BRWD1: variants seen among roughly 807,000 people sequenced by gnomAD.
The protein encoded by BRWD1 is bromodomain and WD repeat-containing protein 1.
Under a neutral mutation model 251.2 loss-of-function variants are expected in BRWD1, and 82 were observed. That is an observed-to-expected ratio of 0.33 (90% CI 0.27 to 0.39). The LOEUF (loss-of-function observed/expected upper bound fraction) is 0.39, where lower values mean the gene tolerates loss of function less well. Ranked by LOEUF, BRWD1 falls within the 10% of genes least tolerant of loss-of-function variation. BRWD1 has a pLI of 1.00. For missense variants in BRWD1, 2,233 were observed against 2,711.6 expected (o/e 0.82, Z 3.92); for synonymous variants, 918 against 902.8 (o/e 1.02, Z -0.30).
In BRWD1 at chr21:39,313,563, G is replaced by C. The variant is rs1242780967; in HGVS notation, c.-72C>G. On this transcript the variant is annotated 5_prime_UTR_variant, in exon 1 of 41. Coordinates refer to ENST00000342449, the MANE Select transcript of BRWD1 (RefSeq NM_033656.4). ...TGTAGGCCGCGCCGAGGCCTGACCG[G>C]GCTGGCGTCCCCTCTTCTCAGGCGC... The C allele has an allele frequency of 1.6e-6, 2 of 1,230,100 alleles. No individual in the cohort carries two copies. Among genetic ancestry groups the C allele is most frequent in the Admixed American group, 4.3e-5 (1 of 23,100 alleles). The allele number at this position is 1,230,100 out of a possible 1,614,324, so 76.2% of individuals were successfully genotyped here. A position where few individuals can be genotyped will look rare whatever the true frequency, so the allele number is the denominator to read the frequency against.
chr21:39,286,576 G>T (rs577770314), intron 8 of BRWD1, among the ~76,000 whole-genome samples: 1 of 150,990 alleles, frequency 6.6e-6, no homozygotes, highest in African/African-American at 2.4e-5. Flanking sequence ...GTGCAGTGGC[G>T]CAATCTCTGC....
intron 15 of BRWD1, among the ~76,000 whole-genome samples, chr21:39,265,461 A>C (rs1299035572): frequency 2.7e-5 from 4 of 150,800 alleles, no homozygotes; most frequent in African/African-American, 4.9e-5. Flanking sequence ...ATGTTTCATT[A>C]AGCATATACA....
intron 8 of BRWD1, among the ~76,000 whole-genome samples, chr21:39,285,591 TC>T (rs1300492291): frequency 6.6e-6 from 1 of 152,170 alleles, no homozygotes; most frequent in Non-Finnish European, 1.5e-5. Context: ...TCTTTGTCTT[TC>T]TACAAGTATT....
intron 8 of BRWD1, among the ~76,000 whole-genome samples, chr21:39,282,353 G>C (rs775073417): frequency 6.6e-6 from 1 of 152,034 alleles, no homozygotes; most frequent in African/African-American, 2.4e-5. Context: ...AGAAATTATG[G>C]ATTTTTTTTA....
chr21:39,213,490 A>G lies in BRWD1; in HGVS notation c.3849T>C (p.Ala1283=). 1 of 1,610,738 alleles carries G rather than the reference A, an allele frequency of 6.2e-7. No homozygotes were observed. Among genetic ancestry groups the G allele is most frequent in the Non-Finnish European group, 8.5e-7 (1 of 1,178,698 alleles). ...SNTSENDEQN[A]EDLDDSDLPK... is the part of the protein sequence containing the mutation. Reference sequence around the variant, plus strand: ...TCAACAAACTTCATACCAAATCCTCAGCATTTTGCTCATCATTTTCAGATG... The same window carrying G: ...TCAACAAACTTCATACCAAATCCTCGGCATTTTGCTCATCATTTTCAGATG... The change falls in exon 33 of 41, where the codon GCT becomes GCC. Residue 1283 remains alanine, a synonymous_variant. Transcript: ENST00000342449.
intron 17 of BRWD1, 141 bp from the exon 18 acceptor site, chr21:39,258,813 C>T (rs2034645898): frequency 1.9e-6 from 1 of 527,984 alleles, no homozygotes; most frequent in Non-Finnish European, 3.1e-6. Flanking sequence ...AGATACTCTA[C>T]ATATTCACCA....
chr21:39,248,638 T>C (rs1425746929), intron 20 of BRWD1, among the ~76,000 whole-genome samples: 1 of 23,186 alleles, frequency 4.3e-5, no homozygotes, highest in Non-Finnish European at 6.5e-5. Flanking sequence ...AGACCCTATC[T>C]CCCAAAAAAA....
chr21:39,230,294 T>A (rs1254744651), intron 25 of BRWD1, among the ~76,000 whole-genome samples: 2 of 152,174 alleles, frequency 1.3e-5, no homozygotes, highest in African/African-American at 2.4e-5. Context: ...CCCCCCAGTG[T>A]CTGCTTCTCT....
At position 39,188,037 on chromosome 21, in the gene BRWD1, G is replaced by GCT. The variant is rs906093579; in HGVS notation, c.*8220_*8221dup. ...AGAGGGGGCTTGAAATCACACTGGA[G>GCT]CTCTACACAGCCACATGATGCCAGA... On this transcript the variant is annotated 3_prime_UTR_variant, in exon 41 of 41. Transcript: ENST00000342449. The GCT allele has an allele frequency of 5.1e-6, 5 of 985,244 alleles. No individual in the cohort carries two copies. The African/African-American group carries it at 8.7e-5, about 17-fold the overall frequency. The allele number at this position is 985,244 out of a possible 1,614,324, so 61.0% of individuals were successfully genotyped here. A position where few individuals can be genotyped will look rare whatever the true frequency, so the allele number is the denominator to read the frequency against.
chr21:39,258,764 G>T, intron 17 of BRWD1, 92 bp from the exon 18 acceptor site: 2 of 827,650 alleles, frequency 2.4e-6, no homozygotes, highest in Non-Finnish European at 3.4e-6. Flanking sequence ...ATTAACAATG[G>T]TCAGAATTTC....
At position 39,188,579 on chromosome 21, in the gene BRWD1, AG is replaced by A. The variant is rs754516830; in HGVS notation, c.*7679del. ...GCCCTTCTGTCACAAAGCTGACTGA[AG>A]GGCAGATGAGTACAGGTAAAAACTG... On this transcript the variant is annotated 3_prime_UTR_variant, in exon 41 of 41. Transcript: ENST00000342449. The A allele has an allele frequency of 1.4e-4, 141 of 985,298 alleles. No individual in the cohort carries two copies. The highest frequency in any genetic ancestry group is 1.6e-4 in the Non-Finnish European group (135 of 829,918). The allele number at this position is 985,298 out of a possible 1,614,324, so 61.0% of individuals were successfully genotyped here.
At chr21:39,244,796 G>C (rs1400139125) in intron 21 of BRWD1, among the ~76,000 whole-genome samples, 1 of 151,602 alleles carries the variant, frequency 6.6e-6, no homozygotes, top group Non-Finnish European at 1.5e-5. Context: ...TTCCAGACTA[G>C]GATACTACAC....
intron 27 of BRWD1, among the ~76,000 whole-genome samples, chr21:39,225,504 T>TTA (rs2033346239): frequency 6.6e-6 from 1 of 152,132 alleles, no homozygotes; most frequent in Non-Finnish European, 1.5e-5. Context: ...CTCTTCCTTC[T>TTA]TACCCTTCCC....
chr21:39,196,411 A>G lies in BRWD1; in HGVS notation c.6658T>C (p.Trp2220Arg). ...GATTTTGCATAGTCCAAATCCTCCC[A>G]GTCATTATCATCCACACTTAACCTA... ...RPRLSVDDND[W>R]EDLDYAKSKR... The change falls in exon 41 of 41, where the codon TGG becomes CGG. Residue 2220 changes from tryptophan (W) to arginine (R), a missense_variant. Physicochemically the swap from Trp to Arg is moderately radical, Grantham distance 101. Around this residue, in one of 12 missense-constraint regions of BRWD1, gnomAD observed 928 missense variants for 970.0 expected, o/e 0.96. Coordinates refer to ENST00000342449, the MANE Select transcript of BRWD1 (RefSeq NM_033656.4). 1.9e-6 allele frequency: 3 copies of G among 1,613,836 alleles called. No individual in the cohort carries two copies. Among genetic ancestry groups the G allele is most frequent in the Non-Finnish European group, 2.5e-6 (3 of 1,179,774 alleles).
At chr21:39,244,315 C>T (rs954761098) in intron 21 of BRWD1, among the ~76,000 whole-genome samples, 8 of 152,186 alleles carry the variant, frequency 5.3e-5, no homozygotes, top group Non-Finnish European at 1.0e-4. Flanking sequence ...CCACCCACCT[C>T]GGCCTCCCAG....
intron 4 of BRWD1, among the ~76,000 whole-genome samples, chr21:39,302,023 T>C (rs139131997): frequency 0.016 from 2,028 of 126,768 alleles, 44 homozygotes; most frequent in African/African-American, 0.057. Flanking sequence ...TGCTCCGTGG[T>C]CCAGGCTGGA....
chr21:39,244,921 A>AATATATATATACATATATACAT, intron 21 of BRWD1, among the ~76,000 whole-genome samples: 1 of 112,560 alleles, frequency 8.9e-6, no homozygotes, highest in African/African-American at 3.0e-5. Flanking sequence ...CTTTGGAAGA[A>AATATATATATACATATATACAT]ATATATATAT....
chr21:39,302,124 C>T (rs189704288), intron 4 of BRWD1, among the ~76,000 whole-genome samples: 1 of 151,440 alleles, frequency 6.6e-6, no homozygotes, highest in East Asian at 2.0e-4. Flanking sequence ...GCTGGGATTA[C>T]AAGCACACGC....
At chr21:39,240,336 G>C (rs1391274313) in intron 21 of BRWD1, among the ~76,000 whole-genome samples, 13 of 152,092 alleles carry the variant, frequency 8.5e-5, no homozygotes, top group Non-Finnish European at 1.8e-4. Context: ...TTATAAATTT[G>C]TTAAAAAATT....
Sources: gnomAD v4.1 joint callset for allele counts (sites outside exome capture counted in the v4.1 genomes callset) on GRCh38, gnomAD v4.1.1 for gene constraint, gnomAD v4.1.1 regional missense constraint, MANE v1.5 for transcripts, NCBI Gene and HGNC (gene_info 2026-07-23, HGNC 2026-07-21) for gene names.